SLC35B1: variants seen among roughly 807,000 people sequenced by gnomAD.
SLC35B1 encodes ATP/ADP exchanger ER.
A neutral mutation model predicts 36.6 loss-of-function variants in SLC35B1; 27 were observed. The ratio of observed to expected loss-of-function variants is 0.74; its 90% confidence interval spans 0.54 to 1.02. The LOEUF (loss-of-function observed/expected upper bound fraction) is 1.02. Among genes scored for constraint, SLC35B1 ranks in the 50% least tolerant of loss-of-function variants. The pLI is 0.00. For synonymous variants in SLC35B1, 162 were observed against 152.5 expected (o/e 1.06, Z -0.46); for missense variants, 321 against 383.2 (o/e 0.84, Z 1.35).
chr17:49,706,285 G>C lies in SLC35B1; in HGVS notation c.258C>G (p.Leu86=). The change falls in exon 3 of 9, where the codon CTC becomes CTG. Residue 86 remains leucine, a synonymous_variant. Transcript: ENST00000240333. ...TARVDRTRSW[L]YAACSISYLG... ...GATAGGAGATAGAACAGGCAGCATAGAGCCAGCTCCGGGTACGATCCACCC... is the reference window on the plus strand; with the variant it reads ...GATAGGAGATAGAACAGGCAGCATACAGCCAGCTCCGGGTACGATCCACCC... 2.6e-6 allele frequency: 4 copies of C among 1,539,076 alleles called. No homozygotes were observed. Among genetic ancestry groups the C allele is most frequent in the South Asian group, 1.1e-5 (1 of 89,086 alleles).
chr17:49,706,349 A>G lies in SLC35B1; in HGVS notation c.209-15T>C, dbSNP rs774486969. ...AAACTGGATCACTGGGAGAAGACAAAAAAAAAAAAAAAAAAAGAAAAGAAA... is the reference window on the plus strand; with the variant it reads ...AAACTGGATCACTGGGAGAAGACAAGAAAAAAAAAAAAAAAAGAAAAGAAA... On this transcript the variant is annotated splice_polypyrimidine_tract_variant and intron_variant, in intron 2 of 8. Coordinates refer to ENST00000240333, the MANE Select transcript of SLC35B1 (RefSeq NM_005827.4). The G allele has an allele frequency of 4.5e-4, 371 of 826,988 alleles. No homozygotes were observed. Among genetic ancestry groups the G allele is most frequent in the Admixed American group, 1.4e-3 (29 of 20,786 alleles). The allele number at this position is 826,988 out of a possible 1,614,324, so 51.2% of individuals were successfully genotyped here. A position where few individuals can be genotyped will look rare whatever the true frequency, so the allele number is the denominator to read the frequency against.
intron 5 of SLC35B1, 98 bp downstream of exon 5, chr17:49,705,026 C>T: frequency 4.9e-6 from 6 of 1,229,906 alleles, no homozygotes; most frequent in Non-Finnish European, 5.8e-6. Context: ...GCACCACAAC[C>T]TCCCTTGACA....
intron 8 of SLC35B1, chr17:49,702,595 G>A: frequency 2.9e-6 from 1 of 348,696 alleles, no homozygotes; most frequent in Non-Finnish European, 5.3e-6. Flanking sequence ...ATCCGGGCAT[G>A]GTGGTGCATG....
chr17:49,706,375 A>ACAAAACAAAAC, intron 2 of SLC35B1, 41 bp from the exon 3 acceptor site: 3 of 1,071,518 alleles, frequency 2.8e-6, no homozygotes, highest in Non-Finnish European at 3.7e-6. Context: ...AGAAAAGAAA[A>ACAAAACAAAAC]GAAAAAAAAA....
intron 5 of SLC35B1, 161 bp downstream of exon 5, chr17:49,704,963 T>C (rs1567820040): frequency 1.6e-6 from 1 of 619,854 alleles, no homozygotes; most frequent in South Asian, 2.1e-5. Context: ...TTTCCCACTA[T>C]GGCATTAATA....
chr17:49,701,281 C>G lies in SLC35B1; in HGVS notation c.*177G>C. ...AGGGCATGAAGAACAAAAACCACCA[C>G]TCTGTCTTGTTAAAATCCAAGTGCA... On this transcript the variant is annotated 3_prime_UTR_variant, in exon 9 of 9. Transcript: ENST00000240333. The G allele has an allele frequency of 1.7e-6, 1 of 587,552 alleles. No individual in the cohort carries two copies. The highest frequency in any genetic ancestry group is 3.0e-6 in the Non-Finnish European group (1 of 329,670). 36.4% of individuals were successfully genotyped at this position (587,552 alleles called of 1,614,324 possible). A position where few individuals can be genotyped will look rare whatever the true frequency, so the allele number is the denominator to read the frequency against.
Position 49,707,755 on chromosome 17 carries a change from A to G in SLC35B1, c.79T>C (p.Tyr27His). The G allele has an allele frequency of 6.2e-7, 1 of 1,612,052 alleles. No homozygotes were observed. The highest frequency in any genetic ancestry group is 8.5e-7 in the Non-Finnish European group (1 of 1,179,844). ...CFLGVFVCYF[Y>H]YGILQEKITR... ...ATCTTTTCCTGCAGGATCCCATAGT[A>G]AAAATAGCAGACAAAGACACCCAGG... The change falls in exon 1 of 9, where the codon TAC (tyrosine) becomes CAC (histidine). Residue 27 changes from tyrosine (Y) to histidine (H), a missense_variant. Tyr to His is a moderately conservative substitution (Grantham distance 83). Transcript: ENST00000240333.
At position 49,705,198 on chromosome 17, in the gene SLC35B1, C is replaced by G; in HGVS notation, c.454G>C (p.Ala152Pro). 6.2e-7 allele frequency: 1 copy of G among 1,614,146 alleles called. No homozygotes were observed. Among genetic ancestry groups the G allele is most frequent in the Non-Finnish European group, 8.5e-7 (1 of 1,180,006 alleles). Reference sequence around the variant, plus strand: ...TTCTTGGGTTTGTACATGAAAAGGGCCACTCCAGCCACAATTAACAGCACA... The same window carrying G: ...TTCTTGGGTTTGTACATGAAAAGGGGCACTCCAGCCACAATTAACAGCACA... ...LCVLLIVAGV[A>P]LFMYKPKKVV... Residue 152 changes from alanine to proline, a missense_variant, in exon 5 of 9, where the codon GCC (alanine) becomes CCC (proline). Transcript: ENST00000240333.
chr17:49,701,634 A>G, intron 8 of SLC35B1, 124 bp from the exon 9 acceptor site: 1 of 703,314 alleles, frequency 1.4e-6, no homozygotes, highest in Non-Finnish European at 2.5e-6. Flanking sequence ...AATACATGTC[A>G]GAACACTGGT....
intron 6 of SLC35B1, chr17:49,703,680 T>C: frequency 6.1e-6 from 2 of 326,132 alleles, no homozygotes; most frequent in Non-Finnish European, 1.2e-5. Context: ...GTGTGCTGTA[T>C]AAAAAATACT....
At chr17:49,706,415 G>T (rs2073421352) in intron 2 of SLC35B1, 81 bp from the exon 3 acceptor site, 1 of 1,330,878 alleles carries the variant, frequency 7.5e-7, no homozygotes, top group Non-Finnish European at 9.8e-7. Context: ...GTGGGGCTAG[G>T]ATGGACCACT....
intron 1 of SLC35B1, 85 bp downstream of exon 1, chr17:49,707,645 G>A: frequency 1.3e-6 from 2 of 1,504,290 alleles, no homozygotes; most frequent in Non-Finnish European, 1.8e-6. Flanking sequence ...AGGACAAGAG[G>A]AAAGCCCGGG....
chr17:49,701,305 C>A lies in SLC35B1; in HGVS notation c.*153G>T. ...ACTCTGTCTTGTTAAAATCCAAGTG[C>A]ATTTTTTAGAATATGTGATTTTGCT... On this transcript the variant is annotated 3_prime_UTR_variant, in exon 9 of 9. Transcript: ENST00000240333. 1 of 632,382 alleles carries A rather than the reference C, an allele frequency of 1.6e-6. No homozygotes were observed. The highest frequency in any genetic ancestry group is 2.8e-5 in the Admixed American group (1 of 36,000). The allele number at this position is 632,382 out of a possible 1,614,324, so 39.2% of individuals were successfully genotyped here.
intron 2 of SLC35B1, 37 bp from the exon 3 acceptor site, chr17:49,706,371 G>GAAAAAAAAAAAAAAA: frequency 2.3e-6 from 1 of 440,714 alleles, no homozygotes; most frequent in South Asian, 6.3e-5. Context: ...AAAAAGAAAA[G>GAAAAAAAAAAAAAAA]AAAAGAAAAA....
At chr17:49,708,078 T>C (rs547946188), upstream of SLC35B1, 2 of 800,238 alleles carry the variant, frequency 2.5e-6, no homozygotes, top group East Asian at 2.7e-5. Flanking sequence ...CCTGGGACCT[T>C]GGCTCCATCC....
In SLC35B1 at chr17:49,704,112, G is replaced by C. The variant is rs2143652595; in HGVS notation, c.643C>G (p.Leu215Val). 6.2e-7 allele frequency: 1 copy of C among 1,614,180 alleles called. No individual in the cohort carries two copies. Among genetic ancestry groups the C allele is most frequent in the African/African-American group, 1.3e-5 (1 of 75,058 alleles). ...AACTGGCTCTCACCCATTCCCAGCA[G>C]CAATGTCGACCAAAGGTTGATGTTC... Reference protein sequence around the residue: ...MLNINLWSTLLLGMGILFTGE... With the variant: ...MLNINLWSTLVLGMGILFTGE... The change falls in exon 6 of 9, where the codon CTG (leucine) becomes GTG (valine). Residue 215 changes from leucine to valine, a missense_variant. Coordinates refer to ENST00000240333, the MANE Select transcript of SLC35B1 (RefSeq NM_005827.4).
At chr17:49,703,367 CA>C in intron 6 of SLC35B1, 73 bp from the exon 7 acceptor site, 2 of 889,294 alleles carry the variant, frequency 2.2e-6, no homozygotes, top group Non-Finnish European at 3.7e-6. Context: ...CACACACACA[CA>C]CACACACAGA....
At chr17:49,708,100 G>A (rs1470112139), upstream of SLC35B1, 9 of 731,122 alleles carry the variant, frequency 1.2e-5, no homozygotes, top group East Asian at 2.7e-5. Context: ...TGAGGGCCAG[G>A]GGAACCGGCA....
rs2073385383 is a variant in SLC35B1, at chr17:49,704,122, C to G, written c.633G>C (p.Trp211Cys). 1 of 1,614,030 alleles carries G rather than the reference C, an allele frequency of 6.2e-7. No individual in the cohort carries two copies. Among genetic ancestry groups the G allele is most frequent in the African/African-American group, 1.3e-5 (1 of 74,912 alleles). The change falls in exon 6 of 9, where the codon TGG becomes TGC. Residue 211 changes from tryptophan (W) to cysteine (C), a missense_variant. By Grantham distance (215) the Trp-to-Cys change is radical. Transcript: ENST00000240333. ...CACCCATTCCCAGCAGCAATGTCGA[C>G]CAAAGGTTGATGTTCAGCATCATGT... Reference protein sequence around the residue: ...SNHMMLNINLWSTLLLGMGIL... With the variant: ...SNHMMLNINLCSTLLLGMGIL...
Sources: gnomAD v4.1 joint callset for allele counts on GRCh38, gnomAD v4.1.1 for gene constraint, MANE v1.5 for transcripts, NCBI Gene and HGNC (gene_info 2026-07-23, HGNC 2026-07-21) for gene names.